Variants in ZNF536 observed in about 807,000 individuals in gnomAD.
The protein encoded by ZNF536 is zinc finger protein 536.
Under a neutral mutation model 84.5 loss-of-function variants are expected in ZNF536, and 13 were observed. The ratio of observed to expected loss-of-function variants is 0.15; its 90% CI spans 0.10 to 0.24. The LOEUF is 0.24. ZNF536 is among the 10% of genes least tolerant of loss of function. The pLI, the probability that ZNF536 is intolerant of heterozygous loss-of-function variation, is 1.00. For missense variants in ZNF536, 1,536 were observed against 1,747.5 expected (o/e 0.88, Z 2.16); for synonymous variants, 811 against 742.5 (o/e 1.09, Z -1.50).
chr19:30,260,465 G>A (rs2025147994), intron 1 of ZNF536, among the ~76,000 whole-genome samples: 1 of 152,238 alleles, frequency 6.6e-6, no homozygotes, highest in Non-Finnish European at 1.5e-5. Context: ...AGCCACAGCT[G>A]TGTGACTATA....
At chr19:30,340,996 CT>C (rs1391363765) in intron 2 of ZNF536, among the ~76,000 whole-genome samples, 1 of 152,166 alleles carries the variant, frequency 6.6e-6, no homozygotes, top group Non-Finnish European at 1.5e-5. Flanking sequence ...AAGACATGCT[CT>C]TTGTTTTTTC....
At chr19:30,480,354 A>G (rs1025374707) in intron 2 of ZNF536, among the ~76,000 whole-genome samples, 3 of 152,154 alleles carry the variant, frequency 2.0e-5, no homozygotes, top group Admixed American at 6.6e-5. Flanking sequence ...TTCCTGCACC[A>G]AACTATAGTT....
Position 30,324,931 on chromosome 19 carries a change from C to A in ZNF536, c.-119-27437C>A, listed in dbSNP as rs572800553. ...TGGCGAACAACAGTCCTGTGTGACA[C>A]CTTCTAAACCGTTTGTTGTACCTAG... On this transcript the variant is annotated intron_variant, in intron 2 of 5. Transcript: ENST00000585628. Among the ~76,000 whole-genome samples the A allele has an allele frequency of 4.5e-4, 69 of 152,314 alleles. 1 individual carries two copies. Among genetic ancestry groups the A allele is most frequent in the Non-Finnish European group, 9.4e-4 (64 of 68,030 alleles).
intron 2 of ZNF536, among the ~76,000 whole-genome samples, chr19:30,533,511 C>A (rs1234879837): frequency 6.7e-6 from 1 of 149,344 alleles, no homozygotes; most frequent in African/African-American, 2.5e-5. Context: ...CAAAATGAGA[C>A]GCTGTCTCAA....
upstream of ZNF536, among the ~76,000 whole-genome samples, chr19:30,226,673 G>GAAAT (rs891616019): frequency 1.9e-4 from 29 of 152,232 alleles, 1 homozygote; most frequent in South Asian, 3.1e-3. The surrounding 1 kb of genome is among the most constrained non-coding windows in gnomAD (Gnocchi z 4.6). Flanking sequence ...GGCCAAAGAG[G>GAAAT]AAATAAATAA....
intron 1 of ZNF536, among the ~76,000 whole-genome samples, chr19:30,595,292 T>A (rs567676823): frequency 8.5e-4 from 130 of 152,218 alleles, no homozygotes; most frequent in African/African-American, 2.2e-3. Flanking sequence ...TTCTTTTTTT[T>A]AATTATTTTT....
intron 1 of ZNF536, among the ~76,000 whole-genome samples, chr19:30,247,151 T>G (rs1192994156): frequency 6.6e-6 from 1 of 152,220 alleles, no homozygotes; most frequent in Non-Finnish European, 1.5e-5. Context: ...CTTCAGCTGT[T>G]TGATGGTGTG....
intron 2 of ZNF536, among the ~76,000 whole-genome samples, chr19:30,463,920 A>T (rs1344135814): frequency 6.6e-6 from 1 of 152,068 alleles, no homozygotes; most frequent in Non-Finnish European, 1.5e-5. Flanking sequence ...TCTCAGGGAC[A>T]GTGGTGACCT....
At chr19:30,686,052 C>T (rs1034776020) in intron 1 of ZNF536, among the ~76,000 whole-genome samples, 4 of 152,222 alleles carry the variant, frequency 2.6e-5, no homozygotes, top group African/African-American at 7.2e-5. Flanking sequence ...GTCTGAATCC[C>T]TGTGCCCAGG....
chr19:30,288,060 T>C (rs2045711271), intron 2 of ZNF536, among the ~76,000 whole-genome samples: 1 of 152,354 alleles, frequency 6.6e-6, no homozygotes, highest in Non-Finnish European at 1.5e-5. Flanking sequence ...AGAACTGTGC[T>C]AGGCAACCTC....
intron 4 of ZNF536, 146 bp downstream of exon 4, chr19:30,549,660 G>C: frequency 1.1e-6 from 1 of 919,042 alleles, no homozygotes; most frequent in Non-Finnish European, 1.5e-6. Flanking sequence ...CTGCAATGTA[G>C]ACAATCATAA....
At chr19:30,663,303 A>G (rs1265302127) in intron 1 of ZNF536, among the ~76,000 whole-genome samples, 2 of 152,190 alleles carry the variant, frequency 1.3e-5, no homozygotes, top group African/African-American at 4.8e-5. Context: ...TGAACTGACC[A>G]TGAATAAAAT....
chr19:30,267,221 G>T (rs191897795), intron 1 of ZNF536, among the ~76,000 whole-genome samples: 77 of 152,298 alleles, frequency 5.1e-4, no homozygotes, highest in African/African-American at 1.7e-3. Context: ...ACAGTTGACT[G>T]CATTTTCCAT....
chr19:30,384,128 C>A (rs1441399664), intron 1 of ZNF536, among the ~76,000 whole-genome samples: 17 of 66,830 alleles, frequency 2.5e-4, no homozygotes, highest in Non-Finnish European at 4.2e-4. Flanking sequence ...TTCTTTCTTT[C>A]TTTCTTTCTT....
At chr19:30,339,297 TA>T (rs2039719416) in intron 2 of ZNF536, among the ~76,000 whole-genome samples, 1 of 152,092 alleles carries the variant, frequency 6.6e-6, no homozygotes, top group African/African-American at 2.4e-5. Context: ...GACACTGGCA[TA>T]TTGGTCACAT....
Position 30,274,186 on chromosome 19 carries a change from G to A in ZNF536, c.-189-9886G>A, listed in dbSNP as rs551765446. 1.4e-3 allele frequency among the ~76,000 whole-genome samples: 214 copies of A among 152,338 alleles called. 1 individual carries two copies. Among genetic ancestry groups the A allele is most frequent in the Middle Eastern group, 3.4e-3 (1 of 294 alleles). ...GATCAGGGGGACCAACGTTTCAAGTGATATCCGTGATAATATGTGTTCTCT... is the reference window on the plus strand; with the variant it reads ...GATCAGGGGGACCAACGTTTCAAGTAATATCCGTGATAATATGTGTTCTCT... On this transcript the variant is annotated intron_variant, in intron 1 of 5. Transcript: ENST00000585628.
At chr19:30,461,000 CAGA>C (rs989923035) in intron 2 of ZNF536, among the ~76,000 whole-genome samples, 7 of 152,176 alleles carry the variant, frequency 4.6e-5, no homozygotes, top group Admixed American at 1.3e-4. Flanking sequence ...TGAAAGGACA[CAGA>C]AGGAGATAAG....
At chr19:30,280,045 G>T (rs1417961478) in intron 1 of ZNF536, among the ~76,000 whole-genome samples, 1 of 152,146 alleles carries the variant, frequency 6.6e-6, no homozygotes, top group African/African-American at 2.4e-5. Context: ...TCCCGCAGGA[G>T]AGAATGGAAC....
intron 1 of ZNF536, among the ~76,000 whole-genome samples, chr19:30,610,248 G>T (rs1202075657): frequency 2.0e-5 from 3 of 152,192 alleles, no homozygotes; most frequent in Non-Finnish European, 4.4e-5. Flanking sequence ...TCTAAAACAT[G>T]GACCTAAATG....
Sources: gnomAD v4.1 joint callset for allele counts (sites outside exome capture counted in the v4.1 genomes callset) on GRCh38, gnomAD v4.1.1 for gene constraint, Gnocchi (gnomAD v3.1) non-coding constraint, MANE v1.5 for transcripts, NCBI Gene and HGNC (gene_info 2026-07-23, HGNC 2026-07-21) for gene names.